NAALADL2: variants seen among roughly 807,000 people sequenced by gnomAD.
NAALADL2 encodes N-acetylated alpha-linked acidic dipeptidase like 2.
In NAALADL2, 76 loss-of-function variants were observed where a neutral mutation model predicts 87.2. The ratio of observed to expected loss-of-function variants is 0.87; its 90% CI spans 0.72 to 1.05. The LOEUF is 1.05. Ranked by LOEUF, NAALADL2 falls within the 50% of genes least tolerant of loss-of-function variation. The pLI, the probability that NAALADL2 is intolerant of heterozygous loss-of-function variation, is 0.00. For missense variants in NAALADL2, 1,089 were observed against 945.8 expected, an observed-to-expected ratio of 1.15 and a Z score of -1.99; for synonymous variants, 354 against 331.0, an observed-to-expected ratio of 1.07 and a Z score of -0.75.
intron 2 of NAALADL2, among the ~76,000 whole-genome samples, chr3:174,701,647 CTT>C (rs1180144903): frequency 6.7e-6 from 1 of 149,216 alleles, no homozygotes; most frequent in African/African-American, 2.5e-5. Context: ...GATCTGCTAA[CTT>C]TTACTATTGA....
intron 2 of NAALADL2, among the ~76,000 whole-genome samples, chr3:175,187,420 G>A (rs1417977245): frequency 1.3e-5 from 2 of 152,126 alleles, no homozygotes; most frequent in South Asian, 2.1e-4. Flanking sequence ...GTTTTATGAT[G>A]TTTTCCAACT....
At chr3:174,594,508 A>G (rs1441480338) in intron 2 of NAALADL2, among the ~76,000 whole-genome samples, 1 of 152,158 alleles carries the variant, frequency 6.6e-6, no homozygotes, top group Non-Finnish European at 1.5e-5. Flanking sequence ...CATACTTTAC[A>G]TATGTCATAA....
At chr3:175,112,338 A>G (rs961205965) in intron 2 of NAALADL2, among the ~76,000 whole-genome samples, 1 of 151,586 alleles carries the variant, frequency 6.6e-6, no homozygotes, top group African/African-American at 2.4e-5. Context: ...CTCATGCTCC[A>G]TATTCCAAGT....
At chr3:174,950,175 C>A (rs766144076) in intron 1 of NAALADL2, among the ~76,000 whole-genome samples, 1 of 151,934 alleles carries the variant, frequency 6.6e-6, no homozygotes, top group Non-Finnish European at 1.5e-5. Flanking sequence ...AAACTTTGGT[C>A]GCCCCCAGAT....
At chr3:174,752,822 A>G (rs754409975) in intron 3 of NAALADL2, among the ~76,000 whole-genome samples, 2 of 152,220 alleles carry the variant, frequency 1.3e-5, no homozygotes, top group Non-Finnish European at 2.9e-5. Flanking sequence ...CACATATTTC[A>G]TACAAAAAAT....
intron 13 of NAALADL2, among the ~76,000 whole-genome samples, chr3:175,796,029 C>T: frequency 8.6e-6 from 1 of 115,930 alleles, no homozygotes; most frequent in Non-Finnish European, 1.6e-5. Flanking sequence ...CTAACTAACC[C>T]CTTATTGTTC....
chr3:175,334,871 T>A (rs991510558), intron 5 of NAALADL2, among the ~76,000 whole-genome samples: 1 of 152,200 alleles, frequency 6.6e-6, no homozygotes, highest in African/African-American at 2.4e-5. Context: ...CACCTGAAGA[T>A]ACGACCTATC....
At chr3:174,635,555 T>C (rs1578385790) in intron 2 of NAALADL2, among the ~76,000 whole-genome samples, 2 of 150,660 alleles carry the variant, frequency 1.3e-5, no homozygotes, top group African/African-American at 4.9e-5. Context: ...CAGGCTGGAG[T>C]GCTCTGGCGC....
At chr3:175,037,608 C>T (rs1753570200) in intron 1 of NAALADL2, among the ~76,000 whole-genome samples, 1 of 152,056 alleles carries the variant, frequency 6.6e-6, no homozygotes, top group Admixed American at 6.6e-5. Flanking sequence ...TATCTGGATT[C>T]CACAGTCTGC....
intron 3 of NAALADL2, among the ~76,000 whole-genome samples, chr3:174,842,792 T>C (rs570504924): frequency 6.5e-4 from 99 of 152,264 alleles, no homozygotes; most frequent in African/African-American, 2.3e-3. Context: ...TGTGTGTGTG[T>C]GTGTATGTGT....
intron 9 of NAALADL2, among the ~76,000 whole-genome samples, chr3:175,557,348 G>C (rs1184518215): frequency 6.6e-6 from 1 of 152,078 alleles, no homozygotes. Flanking sequence ...AATCACATCA[G>C]GGTAAATAGG....
intron 1 of NAALADL2, among the ~76,000 whole-genome samples, chr3:175,027,800 A>G (rs1234981636): frequency 8.5e-5 from 13 of 152,100 alleles, no homozygotes; most frequent in Non-Finnish European, 1.9e-4. Flanking sequence ...ACCCAGGCCC[A>G]TATTCAATAC....
At chr3:175,024,003 A>T (rs1580078925) in intron 1 of NAALADL2, among the ~76,000 whole-genome samples, 1 of 152,068 alleles carries the variant, frequency 6.6e-6, no homozygotes, top group Non-Finnish European at 1.5e-5. Flanking sequence ...ATTCTTTAAT[A>T]TCAAAAATCA....
chr3:174,981,828 C>A (rs950641265), intron 1 of NAALADL2, among the ~76,000 whole-genome samples: 131 of 152,066 alleles, frequency 8.6e-4, no homozygotes, highest in Non-Finnish European at 4.0e-4. Flanking sequence ...AAGATGTGGC[C>A]CTCATCCTCA....
intron 1 of NAALADL2, among the ~76,000 whole-genome samples, chr3:175,023,333 A>G (rs1751805689): frequency 6.6e-6 from 1 of 152,092 alleles, no homozygotes; most frequent in Non-Finnish European, 1.5e-5. Context: ...ATTTCAATTT[A>G]TGCCTCATTG....
chr3:175,088,544 A>G (rs1719487885), intron 1 of NAALADL2, among the ~76,000 whole-genome samples: 1 of 152,242 alleles, frequency 6.6e-6, no homozygotes, highest in Admixed American at 6.5e-5. Context: ...TAGGAAACAG[A>G]GGAATATAAG....
intron 3 of NAALADL2, among the ~76,000 whole-genome samples, chr3:174,745,154 C>T (rs1173427817): frequency 1.3e-5 from 2 of 151,662 alleles, no homozygotes; most frequent in Admixed American, 1.3e-4. Context: ...TCAACGAGTC[C>T]AGGAGCTGGT....
At chr3:175,078,416 A>T (rs1717058892) in intron 1 of NAALADL2, among the ~76,000 whole-genome samples, 1 of 152,192 alleles carries the variant, frequency 6.6e-6, no homozygotes, top group Non-Finnish European at 1.5e-5. Context: ...ATTTTAAAAA[A>T]TTATTTAGAT....
intron 13 of NAALADL2, among the ~76,000 whole-genome samples, chr3:175,771,136 G>T (rs1749428885): frequency 6.6e-6 from 1 of 152,040 alleles, no homozygotes; most frequent in Non-Finnish European, 1.5e-5. Flanking sequence ...GAAAATGTTT[G>T]CCCTTTTATT....
Sources: allele counts gnomAD v4.1 joint callset (sites outside exome capture counted in the v4.1 genomes callset), GRCh38; gene constraint gnomAD v4.1.1; transcripts MANE v1.5; gene names NCBI Gene and HGNC (gene_info 2026-07-23, HGNC 2026-07-21).